ARHGEF37: variants seen among roughly 807,000 people sequenced by gnomAD.
The protein encoded by ARHGEF37 is Rho guanine nucleotide exchange factor (GEF) 37.
In ARHGEF37, 55 loss-of-function variants were observed where a neutral mutation model predicts 71.1. That is an observed-to-expected ratio of 0.77 (90% CI 0.62 to 0.97). The LOEUF (loss-of-function observed/expected upper bound fraction) is 0.97, where lower values mean the gene tolerates loss of function less well. Ranked by LOEUF, ARHGEF37 falls within the 50% of genes least tolerant of loss-of-function variation. The pLI, the probability that ARHGEF37 is intolerant of heterozygous loss-of-function variation, is 0.00. For missense variants in ARHGEF37, 765 were observed against 836.8 expected (o/e 0.91, Z 1.06); for synonymous variants, 327 against 350.6 (o/e 0.93, Z 0.75).
intron 1 of ARHGEF37, among the ~76,000 whole-genome samples, chr5:149,592,958 C>T (rs536421587): frequency 8.5e-4 from 130 of 152,076 alleles, no homozygotes; most frequent in Non-Finnish European, 1.6e-3. Context: ...TTAGTAGAGA[C>T]GGGGTTTTGC....
intron 3 of ARHGEF37, among the ~76,000 whole-genome samples, chr5:149,603,867 C>T (rs369270735): frequency 5.3e-5 from 8 of 152,230 alleles, no homozygotes; most frequent in African/African-American, 9.6e-5. Flanking sequence ...ACCCGGGAGG[C>T]GGAGGTTGCA....
At chr5:149,565,388 T>A (rs1472167647) in intron 1 of ARHGEF37, among the ~76,000 whole-genome samples, 4 of 152,212 alleles carry the variant, frequency 2.6e-5, no homozygotes, top group African/African-American at 4.8e-5. Flanking sequence ...TTAGTAAATA[T>A]TTTGTGGCTT....
Position 149,624,101 on chromosome 5 carries a change from A to G in ARHGEF37, c.1425A>G (p.Gln475=). ...GRTSNQLRSF[Q]ETFEKVQPPP... is the part of the protein sequence containing the mutation. ...CGAGTAACCAGCTTCGCTCCTTTCA[A>G]GAGACCTTTGAGAAAGTGCAGCCAC... Residue 475 remains glutamine, a synonymous_variant, in exon 10 of 13, where the codon CAA becomes CAG. Coordinates refer to ENST00000333677, the MANE Select transcript of ARHGEF37 (RefSeq NM_001001669.3). 6.2e-7 allele frequency: 1 copy of G among 1,611,760 alleles called. No individual in the cohort carries two copies. The highest frequency in any genetic ancestry group is 8.5e-7 in the Non-Finnish European group (1 of 1,178,048).
chr5:149,628,184 C>G (rs1752755794), intron 11 of ARHGEF37, among the ~76,000 whole-genome samples: 1 of 152,180 alleles, frequency 6.6e-6, no homozygotes, highest in Non-Finnish European at 1.5e-5. Flanking sequence ...ACTTTGCTGA[C>G]TGTGTGATCT....
chr5:149,622,770 T>G (rs1292055655), intron 9 of ARHGEF37, among the ~76,000 whole-genome samples: 2 of 152,180 alleles, frequency 1.3e-5, no homozygotes, highest in Non-Finnish European at 2.9e-5. Context: ...ATGCAAACTT[T>G]GATTTTAGAA....
intron 12 of ARHGEF37, 37 bp from the exon 13 acceptor site, chr5:149,631,945 C>A (rs376013701): frequency 3.7e-5 from 60 of 1,605,452 alleles, no homozygotes; most frequent in Non-Finnish European, 1.1e-5. Flanking sequence ...TACCTTCTCA[C>A]CCTGACCATT....
intron 1 of ARHGEF37, among the ~76,000 whole-genome samples, chr5:149,558,173 T>G (rs1270591591): frequency 6.6e-6 from 1 of 151,870 alleles, no homozygotes; most frequent in Admixed American, 6.6e-5. Context: ...TGCTCGGCCC[T>G]TTTTTCTTCT....
rs748960156 is a variant in ARHGEF37, at chr5:149,605,435, C to T, written c.311-4113C>T. ...TCATTACTTTTGTTTTGTATGAAGT[C>T]TTTGAAATCCAGTATCTTTTACACT... On this transcript the variant is annotated intron_variant, in intron 3 of 12. Transcript: ENST00000333677. Among the ~76,000 whole-genome samples the T allele has an allele frequency of 1.6e-4, 24 of 152,040 alleles. 1 individual carries two copies. Among genetic ancestry groups the T allele is most frequent in the Non-Finnish European group, 2.9e-4 (20 of 68,006 alleles).
chr5:149,577,263 G>A (rs927127044), upstream of ARHGEF37, among the ~76,000 whole-genome samples: 3 of 152,120 alleles, frequency 2.0e-5, no homozygotes, highest in Non-Finnish European at 4.4e-5. Flanking sequence ...CATGTATTAG[G>A]CACTCAATAA....
chr5:149,606,643 A>G (rs999073663), intron 3 of ARHGEF37: 1 of 152,238 alleles, frequency 6.6e-6, no homozygotes, highest in Admixed American at 6.5e-5. Flanking sequence ...ATTTGAAAGT[A>G]TGGAACGCTT....
At chr5:149,570,403 A>G (rs1008522059) in intron 1 of ARHGEF37, among the ~76,000 whole-genome samples, 3 of 150,974 alleles carry the variant, frequency 2.0e-5, no homozygotes, top group African/African-American at 7.4e-5. Flanking sequence ...GTGAAACCCC[A>G]TCTCTACTAA....
chr5:149,618,167 T>C lies in ARHGEF37; in HGVS notation c.659-9T>C. ...ATCACCGTGCTTCCCCTCTTCTCTG[T>C]CGTTGCAGCCTCCAAGTACACCAAG... On this transcript the variant is annotated splice_polypyrimidine_tract_variant and intron_variant, in intron 5 of 12. Transcript: ENST00000333677. 6.2e-7 allele frequency: 1 copy of C among 1,614,028 alleles called. No individual in the cohort carries two copies. The highest frequency in any genetic ancestry group is 8.5e-7 in the Non-Finnish European group (1 of 1,179,938).
chr5:149,626,862 C>T (rs532283879), intron 10 of ARHGEF37: 9 of 413,886 alleles, frequency 2.2e-5, no homozygotes, highest in South Asian at 8.9e-5. Flanking sequence ...TAGAGAATCC[C>T]AGAAATTAGA....
chr5:149,618,126 T>C lies in ARHGEF37; in HGVS notation c.659-50T>C, dbSNP rs1372198285. On this transcript the variant is annotated intron_variant, in intron 5 of 12. Coordinates refer to ENST00000333677, the MANE Select transcript of ARHGEF37 (RefSeq NM_001001669.3). The stretch of plus-strand genomic sequence containing the variant: ...GCCGGGCATGTCCGTGACATCCACT[T>C]TCCTGAGTTGGCTTGATCACCGTGC... 1.9e-6 allele frequency: 3 copies of C among 1,608,424 alleles called. No homozygotes were observed. The African/African-American group carries it at 4.0e-5, about 21-fold the overall frequency.
intron 4 of ARHGEF37, among the ~76,000 whole-genome samples, chr5:149,610,566 G>A (rs1309287042): frequency 3.3e-5 from 5 of 152,190 alleles, no homozygotes; most frequent in African/African-American, 9.7e-5. Context: ...GAGCCACCAT[G>A]CCAGGCCTAA....
rs115880218 is a variant in ARHGEF37, at chr5:149,595,008, C to T, written c.-11-2751C>T. On this transcript the variant is annotated intron_variant, in intron 1 of 12. Coordinates refer to ENST00000333677, the MANE Select transcript of ARHGEF37 (RefSeq NM_001001669.3). The stretch of plus-strand genomic sequence containing the variant: ...TGTGTGATTCCATTTACATGAATTT[C>T]GGGAAAGGACACAATTATAGAAATG... Among the ~76,000 whole-genome samples the T allele has an allele frequency of 4.3e-3, 651 of 152,172 alleles. 1 individual carries two copies. Among genetic ancestry groups the T allele is most frequent in the Non-Finnish European group, 7.4e-3 (500 of 68,018 alleles).
At chr5:149,603,189 T>C (rs1043750082) in intron 3 of ARHGEF37, among the ~76,000 whole-genome samples, 1 of 152,152 alleles carries the variant, frequency 6.6e-6, no homozygotes, top group African/African-American at 2.4e-5. Flanking sequence ...CACCTCAGCC[T>C]CCCAAAGTGC....
chr5:149,624,049 A>G lies in ARHGEF37; in HGVS notation c.1373A>G (p.Lys458Arg). 6.2e-7 allele frequency: 1 copy of G among 1,607,866 alleles called. No homozygotes were observed. The change falls in exon 10 of 13, where the codon AAG becomes AGG. Residue 458 changes from lysine to arginine, a missense_variant. Lys to Arg is a conservative substitution (Grantham distance 26). Around this residue, in one of 5 missense-constraint regions of ARHGEF37, gnomAD observed 390 missense variants for 407.4 expected, o/e 0.96. Transcript: ENST00000333677. ...HHHVPEPAFRKLVEDALGRTS... is the reference protein window; with the variant it reads ...HHHVPEPAFRRLVEDALGRTS... ...CACGTCCCAGAGCCTGCCTTCAGGA[A>G]GCTGGTGGAGGACGCACTGGGCCGG...
intron 2 of ARHGEF37, among the ~76,000 whole-genome samples, chr5:149,598,526 G>A (rs573328013): frequency 6.8e-5 from 10 of 147,590 alleles, no homozygotes; most frequent in African/African-American, 2.5e-4. Flanking sequence ...TCCCCTTCAA[G>A]GGTCTCTTTA....
Sources: allele counts gnomAD v4.1 joint callset (sites outside exome capture counted in the v4.1 genomes callset), GRCh38; gene constraint gnomAD v4.1.1; regional missense constraint gnomAD v4.1.1; transcripts MANE v1.5; gene names NCBI Gene and HGNC (gene_info 2026-07-23, HGNC 2026-07-21).